IMMP2L: variants seen among roughly 807,000 people sequenced by gnomAD.
The protein encoded by IMMP2L is inner mitochondrial membrane peptidase subunit 2.
Under a neutral mutation model 19.3 loss-of-function variants are expected in IMMP2L, and 18 were observed. The observed-to-expected ratio is 0.93, with a 90% CI of 0.64 to 1.38. The LOEUF (loss-of-function observed/expected upper bound fraction) is 1.38. Among genes scored for constraint, IMMP2L ranks in the 40% most tolerant of loss-of-function variants. IMMP2L has a pLI of 0.00. For synonymous variants in IMMP2L, 76 were observed against 73.0 expected, an observed-to-expected ratio of 1.04 and a Z score of -0.21; for missense variants, 233 against 218.2, an observed-to-expected ratio of 1.07 and a Z score of -0.43.
chr7:111,072,922 G>A (rs1795084526), intron 3 of IMMP2L, among the ~76,000 whole-genome samples: 1 of 149,476 alleles, frequency 6.7e-6, no homozygotes, highest in African/African-American at 2.5e-5. Flanking sequence ...AAAAAAAGGA[G>A]TCTAAAGAGA....
intron 3 of IMMP2L, among the ~76,000 whole-genome samples, chr7:111,032,932 C>T (rs1264256805): frequency 2.0e-5 from 3 of 152,028 alleles, no homozygotes; most frequent in Non-Finnish European, 4.4e-5. Flanking sequence ...CTAGCCTAGC[C>T]AACATGGTGA....
chr7:111,030,884 G>GTATA lies in IMMP2L; in HGVS notation c.240-67323_240-67320dup, dbSNP rs57774530. Among the ~76,000 whole-genome samples, 270 of 126,892 alleles carry GTATA rather than the reference G, an allele frequency of 2.1e-3. 1 individual carries two copies. Among genetic ancestry groups the GTATA allele is most frequent in the East Asian group, 4.1e-3 (14 of 3,444 alleles). The allele number at this position is 126,892 out of a possible 152,430, so 83.2% of individuals were successfully genotyped here. A position where few individuals can be genotyped will look rare whatever the true frequency, so the allele number is the denominator to read the frequency against. On this transcript the variant is annotated intron_variant, in intron 3 of 5. Coordinates refer to ENST00000405709, the MANE Select transcript of IMMP2L (RefSeq NM_032549.4). ...TGTGTGTGTATGTGTGTGTGTGTGT[G>GTATA]TATATATATATATATATATATATAT...
chr7:111,216,927 G>C (rs1811985599), intron 3 of IMMP2L, among the ~76,000 whole-genome samples: 2 of 151,950 alleles, frequency 1.3e-5, no homozygotes, highest in African/African-American at 4.8e-5. Context: ...AAAAGAAAAA[G>C]AGACATTTTA....
At chr7:111,277,069 C>G (rs964664372) in intron 3 of IMMP2L, among the ~76,000 whole-genome samples, 3 of 152,000 alleles carry the variant, frequency 2.0e-5, no homozygotes, top group Admixed American at 2.0e-4. Flanking sequence ...TACTTTATGA[C>G]CAAGTTCTCA....
At chr7:110,984,943 T>C (rs1447948651) in intron 3 of IMMP2L, among the ~76,000 whole-genome samples, 2 of 151,946 alleles carry the variant, frequency 1.3e-5, no homozygotes, top group Non-Finnish European at 2.9e-5. Context: ...ATAATTCAAT[T>C]ATTCAGGTGG....
At chr7:111,481,908 A>G (rs1235204361) in intron 3 of IMMP2L, among the ~76,000 whole-genome samples, 1 of 152,204 alleles carries the variant, frequency 6.6e-6, no homozygotes, top group South Asian at 2.1e-4. Context: ...AAAAGGAAGA[A>G]TCAGCCAGAT....
intron 5 of IMMP2L, among the ~76,000 whole-genome samples, chr7:110,769,872 A>G (rs947663978): frequency 2.6e-4 from 39 of 152,078 alleles, no homozygotes; most frequent in Non-Finnish European, 1.5e-5. Flanking sequence ...TGGGGAAACA[A>G]TCTGAATCTT....
At chr7:111,069,926 C>T (rs937211061) in intron 3 of IMMP2L, among the ~76,000 whole-genome samples, 1 of 152,098 alleles carries the variant, frequency 6.6e-6, no homozygotes, top group African/African-American at 2.4e-5. Context: ...ATGAAAGAAA[C>T]CACATTTTAG....
chr7:111,368,383 G>A (rs918691160), intron 3 of IMMP2L, among the ~76,000 whole-genome samples: 1 of 151,916 alleles, frequency 6.6e-6, no homozygotes, highest in African/African-American at 2.4e-5. Flanking sequence ...CAATGGTATA[G>A]GGAAGTGAAC....
chr7:111,299,976 T>C (rs974305213), intron 3 of IMMP2L, among the ~76,000 whole-genome samples: 3 of 152,302 alleles, frequency 2.0e-5, no homozygotes, highest in Non-Finnish European at 2.9e-5. Flanking sequence ...AAAAGCTGGA[T>C]AGACCCTAGA....
chr7:111,258,721 G>T (rs1439991272), intron 3 of IMMP2L, among the ~76,000 whole-genome samples: 1 of 151,974 alleles, frequency 6.6e-6, no homozygotes, highest in Non-Finnish European at 1.5e-5. Flanking sequence ...GGCCAGGCTG[G>T]TCTCAAACTC....
intron 3 of IMMP2L, among the ~76,000 whole-genome samples, chr7:111,271,918 A>G (rs1818512910): frequency 6.6e-6 from 1 of 152,056 alleles, no homozygotes; most frequent in Admixed American, 6.6e-5. Context: ...CATGTTTCCA[A>G]CCTGTCTACT....
intron 3 of IMMP2L, among the ~76,000 whole-genome samples, chr7:111,416,805 T>C (rs1441509521): frequency 6.6e-6 from 1 of 151,726 alleles, no homozygotes; most frequent in South Asian, 2.1e-4. Flanking sequence ...ATATGTAGTA[T>C]AAAATTAGAC....
chr7:111,208,141 G>T (rs1293896448), intron 3 of IMMP2L, among the ~76,000 whole-genome samples: 1 of 152,000 alleles, frequency 6.6e-6, no homozygotes, highest in African/African-American at 2.4e-5. Context: ...TATATTGCTT[G>T]TATTACTCAG....
chr7:111,340,445 T>C (rs1826897135), intron 3 of IMMP2L, among the ~76,000 whole-genome samples: 1 of 152,078 alleles, frequency 6.6e-6, no homozygotes, highest in African/African-American at 2.4e-5. Flanking sequence ...ACTGTGTATG[T>C]TTTCAGCCAA....
chr7:111,173,154 T>A (rs1806642625), intron 3 of IMMP2L, among the ~76,000 whole-genome samples: 1 of 151,600 alleles, frequency 6.6e-6, no homozygotes, highest in Non-Finnish European at 1.5e-5. Context: ...ACTACTGAAG[T>A]GTTGCAGTCA....
chr7:111,016,870 C>T lies in IMMP2L; in HGVS notation c.240-53305G>A, dbSNP rs867102230. 7.3e-3 allele frequency among the ~76,000 whole-genome samples: 550 copies of T among 75,376 alleles called. 5 individuals carry two copies. Among genetic ancestry groups the T allele is most frequent in the South Asian group, 0.017 (49 of 2,824 alleles). The allele number at this position is 75,376 out of a possible 152,430, so 49.4% of individuals were successfully genotyped here. On this transcript the variant is annotated intron_variant, in intron 3 of 5. Transcript: ENST00000405709. Reference sequence around the variant, plus strand: ...ATAATATATATTATATAATATATTACATATAATATATATTATATATAATAT... The same window carrying T: ...ATAATATATATTATATAATATATTATATATAATATATATTATATATAATAT...
Position 110,821,866 on chromosome 7 carries a change from T to G in IMMP2L, c.408+64727A>C, listed in dbSNP as rs569339733. Among the ~76,000 whole-genome samples, 125 of 152,128 alleles carry G rather than the reference T, an allele frequency of 8.2e-4. 1 individual carries two copies. The highest frequency in any genetic ancestry group is 2.5e-3 in the East Asian group (13 of 5,166). On this transcript the variant is annotated intron_variant, in intron 5 of 5. Coordinates refer to ENST00000405709, the MANE Select transcript of IMMP2L (RefSeq NM_032549.4). ...TGAACCCAGTAGGTGGAGGTTGCAG[T>G]GAACCAAGATCACGTCACTGCACTC... is the stretch of plus-strand genomic sequence containing the variant.
chr7:110,912,740 T>C (rs528256491), intron 4 of IMMP2L, among the ~76,000 whole-genome samples: 1 of 152,156 alleles, frequency 6.6e-6, no homozygotes, highest in South Asian at 2.1e-4. Flanking sequence ...GCCAGTGGCT[T>C]CGTGAAAAGT....
Sources: gnomAD v4.1 joint callset for allele counts (sites outside exome capture counted in the v4.1 genomes callset) on GRCh38, gnomAD v4.1.1 for gene constraint, MANE v1.5 for transcripts, NCBI Gene and HGNC (gene_info 2026-07-23, HGNC 2026-07-21) for gene names.